Variants in NELL2 observed in about 807,000 individuals in gnomAD.
NELL2 encodes the protein protein kinase C-binding protein NELL2.
NELL2 carries 41 observed loss-of-function variants against 109.6 expected under a neutral mutation model. That is an observed-to-expected ratio of 0.37 (90% CI 0.29 to 0.49). The LOEUF (loss-of-function observed/expected upper bound fraction) is 0.49. NELL2 is among the 20% of genes least tolerant of loss of function. The pLI, the probability that NELL2 is intolerant of heterozygous loss-of-function variation, is 0.98. For synonymous variants in NELL2, 355 were observed against 344.7 expected (o/e 1.03, Z -0.33); for missense variants, 900 against 1,008.3 (o/e 0.89, Z 1.45).
upstream of NELL2, chr12:44,876,409 C>T: frequency 7.9e-7 from 1 of 1,266,032 alleles, no homozygotes; most frequent in Non-Finnish European, 1.0e-6. Flanking sequence ...GAGGGGCCGC[C>T]GAGGGCGAGG....
intron 13 of NELL2, among the ~76,000 whole-genome samples, chr12:44,644,851 T>C (rs766294737): frequency 2.6e-4 from 39 of 151,718 alleles, no homozygotes; most frequent in Non-Finnish European, 4.9e-4. Context: ...ACAGACATTA[T>C]CCTTGTTTTG....
At chr12:44,749,227 G>T (rs1379861369) in intron 9 of NELL2, among the ~76,000 whole-genome samples, 4 of 152,156 alleles carry the variant, frequency 2.6e-5, no homozygotes, top group Admixed American at 2.6e-4. Context: ...CCCTCGGGAA[G>T]TCAGTACAGC....
At chr12:44,904,171 G>A (rs1421427791) in intron 1 of NELL2, among the ~76,000 whole-genome samples, 1 of 151,802 alleles carries the variant, frequency 6.6e-6, no homozygotes, top group African/African-American at 2.4e-5. Flanking sequence ...TATAAAGATA[G>A]CAAATTAAAA....
intron 9 of NELL2, among the ~76,000 whole-genome samples, chr12:44,742,518 G>A (rs979139809): frequency 1.3e-5 from 2 of 152,162 alleles, no homozygotes; most frequent in Non-Finnish European, 2.9e-5. Context: ...CTGAGCTACA[G>A]GAGGAAATTC....
chr12:44,835,009 A>T (rs1944008898), intron 2 of NELL2, among the ~76,000 whole-genome samples: 1 of 152,168 alleles, frequency 6.6e-6, no homozygotes, highest in African/African-American at 2.4e-5. Context: ...GAGGGGCCAA[A>T]GCCCAATTGG....
chr12:44,876,765 C>G (rs115558587), upstream of NELL2: 4,809 of 1,462,820 alleles, frequency 3.3e-3, 124 homozygotes, highest in African/African-American at 0.059. Context: ...CCCCGGGGTG[C>G]AGGGCACTCC....
chr12:44,780,108 T>C (rs1375990801), intron 3 of NELL2, 86 bp from the exon 4 acceptor site: 5 of 1,405,070 alleles, frequency 3.6e-6, no homozygotes, highest in South Asian at 1.3e-5. Context: ...ATGGAATAGA[T>C]GTACTTTTCC....
At chr12:44,684,728 T>C (rs2136380293) in intron 12 of NELL2, among the ~76,000 whole-genome samples, 1 of 152,326 alleles carries the variant, frequency 6.6e-6, no homozygotes, top group South Asian at 2.1e-4. Context: ...TTGAGTGGTT[T>C]TGAGTGAGAT....
chr12:44,665,157 T>A (rs940458294), intron 13 of NELL2, among the ~76,000 whole-genome samples: 1 of 152,118 alleles, frequency 6.6e-6, no homozygotes, highest in Non-Finnish European at 1.5e-5. Flanking sequence ...CAAAAATCTA[T>A]CATCATATAT....
At chr12:44,683,305 TA>T (rs963650122) in intron 12 of NELL2, among the ~76,000 whole-genome samples, 1 of 150,938 alleles carries the variant, frequency 6.6e-6, no homozygotes, top group Admixed American at 6.5e-5. Flanking sequence ...CTTATCAGCT[TA>T]AGGAGATTTT....
At chr12:44,850,820 T>C (rs1294553689) in intron 2 of NELL2, among the ~76,000 whole-genome samples, 2 of 152,202 alleles carry the variant, frequency 1.3e-5, no homozygotes, top group African/African-American at 2.4e-5. Context: ...CCAAAGGGAC[T>C]GCATAAACCC....
intron 13 of NELL2, among the ~76,000 whole-genome samples, chr12:44,650,115 C>T (rs1325992864): frequency 6.6e-6 from 1 of 152,132 alleles, no homozygotes; most frequent in African/African-American, 2.4e-5. Flanking sequence ...ACAATGAAAT[C>T]CTGCAAAATG....
intron 10 of NELL2, among the ~76,000 whole-genome samples, chr12:44,712,209 A>G (rs1161131568): frequency 6.6e-6 from 1 of 152,084 alleles, no homozygotes; most frequent in African/African-American, 2.4e-5. Flanking sequence ...GCAAGCTTCC[A>G]TGTTAACTAC....
At chr12:44,566,821 A>AT (rs58233324) in intron 15 of NELL2, among the ~76,000 whole-genome samples, 2,727 of 146,498 alleles carry the variant, frequency 0.019, 27 homozygotes, top group Non-Finnish European at 0.019. Flanking sequence ...TACTATATGC[A>AT]TTTTTTTTTT....
intron 1 of NELL2, among the ~76,000 whole-genome samples, chr12:44,883,022 T>G (rs911650311): frequency 4.0e-5 from 6 of 150,590 alleles, no homozygotes; most frequent in Non-Finnish European, 7.4e-5. Context: ...TTTTTTTTTT[T>G]TGGATTTTTA....
chr12:44,569,504 T>C (rs564326435), intron 15 of NELL2, among the ~76,000 whole-genome samples: 6 of 152,150 alleles, frequency 3.9e-5, no homozygotes, highest in Non-Finnish European at 8.8e-5. Context: ...CCACCAACAA[T>C]GTATAAACGA....
At chr12:44,533,486 T>C (rs1192690634) in intron 15 of NELL2, among the ~76,000 whole-genome samples, 2 of 152,076 alleles carry the variant, frequency 1.3e-5, no homozygotes, top group Admixed American at 6.6e-5. Flanking sequence ...AAGGAAATTA[T>C]GGGATTTAAC....
intron 12 of NELL2, among the ~76,000 whole-genome samples, chr12:44,699,446 G>T (rs947341848): frequency 1.3e-5 from 2 of 152,072 alleles, no homozygotes; most frequent in African/African-American, 4.8e-5. Flanking sequence ...GTTATCATCT[G>T]CCTGGCTGAG....
intron 13 of NELL2, among the ~76,000 whole-genome samples, chr12:44,644,802 A>G (rs1015294588): frequency 2.2e-4 from 34 of 151,674 alleles, no homozygotes; most frequent in Middle Eastern, 6.8e-3. Context: ...ACCTCCTAGG[A>G]ACCATTCTGG....
Sources: allele counts gnomAD v4.1 joint callset (sites outside exome capture counted in the v4.1 genomes callset), GRCh38; gene constraint gnomAD v4.1.1; transcripts MANE v1.5; gene names NCBI Gene and HGNC (gene_info 2026-07-23, HGNC 2026-07-21).